Variants in WDR64 observed in about 807,000 individuals in gnomAD.
WDR64 encodes the protein WD repeat domain 64, also known as WD repeat-containing protein 64.
WDR64 carries 112 observed loss-of-function variants against 139.3 expected under a neutral mutation model. That is an observed-to-expected ratio of 0.80 (90% confidence interval 0.69 to 0.94). The LOEUF (loss-of-function observed/expected upper bound fraction) is 0.94, where lower values mean the gene tolerates loss of function less well. Among genes scored for constraint, WDR64 ranks in the 40% least tolerant of loss-of-function variants. WDR64 has a pLI of 0.00. For missense variants in WDR64, 1,206 were observed against 1,293.1 expected (o/e 0.93, Z 1.03); for synonymous variants, 444 against 437.7 (o/e 1.01, Z -0.18).
chr1:241,762,213 T>C (rs1174886468), intron 15 of WDR64, among the ~76,000 whole-genome samples: 1 of 152,216 alleles, frequency 6.6e-6, no homozygotes, highest in Non-Finnish European at 1.5e-5. Context: ...AGGAATACTG[T>C]ATTCACCGGC....
chr1:241,751,478 AC>A (rs1669980597), intron 14 of WDR64, among the ~76,000 whole-genome samples: 1 of 152,180 alleles, frequency 6.6e-6, no homozygotes, highest in Admixed American at 6.5e-5. Flanking sequence ...AAACAAAAAA[AC>A]AAACACCCCC....
intron 10 of WDR64, among the ~76,000 whole-genome samples, chr1:241,730,011 T>C (rs1237440051): frequency 6.6e-6 from 1 of 152,216 alleles, no homozygotes; most frequent in African/African-American, 2.4e-5. Flanking sequence ...TTTCAAAACT[T>C]TCCTGAGTGA....
At chr1:241,695,990 TGTG>T (rs1387793756) in intron 8 of WDR64, among the ~76,000 whole-genome samples, 1 of 151,486 alleles carries the variant, frequency 6.6e-6, no homozygotes, top group Non-Finnish European at 1.5e-5. Flanking sequence ...GGCATGCGCC[TGTG>T]GTCCCAGCTA....
intron 10 of WDR64, among the ~76,000 whole-genome samples, chr1:241,732,341 C>T (rs6683725): frequency 0.25 from 38,310 of 152,036 alleles, 5,101 homozygotes; most frequent in South Asian, 0.33. Context: ...TCTATCTACT[C>T]TCCTGGCAAG....
intron 15 of WDR64, 32 bp from the exon 16 acceptor site, chr1:241,766,186 A>G: frequency 6.2e-7 from 1 of 1,609,928 alleles, no homozygotes; most frequent in Non-Finnish European, 8.5e-7. Context: ...TGAATACTAT[A>G]TTTATGGTGT....
intron 14 of WDR64, among the ~76,000 whole-genome samples, chr1:241,755,753 G>T (rs1032164185): frequency 6.6e-6 from 1 of 152,102 alleles, no homozygotes; most frequent in Non-Finnish European, 1.5e-5. Flanking sequence ...GTAAGGAAGG[G>T]GTCCAGTTTC....
At chr1:241,702,449 T>G (rs1667756012) in intron 8 of WDR64, among the ~76,000 whole-genome samples, 1 of 151,790 alleles carries the variant, frequency 6.6e-6, no homozygotes, top group Non-Finnish European at 1.5e-5. Flanking sequence ...GTTTAATGCC[T>G]GACACAAAGT....
Position 241,746,272 on chromosome 1 carries a change from A to G in WDR64, c.1594+1756A>G, listed in dbSNP as rs200878202. On this transcript the variant is annotated intron_variant, in intron 13 of 27. Transcript: ENST00000437684. ...AGGGATAAGAAATGGGGTAGGGTTA[A>G]AGGAGGAGAGGAAAAGACCTGTGGT... Among the ~76,000 whole-genome samples, 10 of 152,214 alleles carry G rather than the reference A, an allele frequency of 6.6e-5. No homozygotes were observed. In the East Asian group the frequency reaches 1.7e-3, roughly 27 times the overall value.
At chr1:241,756,305 T>G (rs1331465148) in intron 14 of WDR64, among the ~76,000 whole-genome samples, 1 of 152,208 alleles carries the variant, frequency 6.6e-6, no homozygotes, top group Non-Finnish European at 1.5e-5. Context: ...TCCTACATAT[T>G]TTATTCTCTT....
intron 12 of WDR64, 98 bp downstream of exon 12, chr1:241,741,762 G>A (rs1294717982): frequency 4.8e-6 from 6 of 1,246,674 alleles, no homozygotes; most frequent in Middle Eastern, 2.5e-4. Context: ...AAATGTAGCG[G>A]CACATACGAT....
Position 241,702,598 on chromosome 1 carries a change from A to G in WDR64, c.975-9204A>G, listed in dbSNP as rs547895059. 2.0e-4 allele frequency among the ~76,000 whole-genome samples: 30 copies of G among 152,268 alleles called. No homozygotes were observed. The South Asian group carries it at 5.8e-3, about 29-fold the overall frequency. ...CATAGATTAGTTTGTGCACTGGTTT[A>G]AGCTTCCTGTTCCTGCATCTAGAGC... On this transcript the variant is annotated intron_variant, in intron 8 of 27. Transcript: ENST00000437684.
Position 241,795,282 on chromosome 1 carries a change from T to C in WDR64, c.3073T>C (p.Tyr1025His). Residue 1025 changes from tyrosine to histidine, a missense_variant, in exon 26 of 28, where the codon TAC becomes CAC. Coordinates refer to ENST00000437684, the MANE Select transcript of WDR64 (RefSeq NM_001367482.1). ...AGIVFGSLPI[Y>H]SISSPTSLRF... Reference sequence around the variant, plus strand: ...GATTGTTTTCGGCTCTCTGCCTATATACAGTGTGAGTTGGAGTTTCTAGGA... The same window carrying C: ...GATTGTTTTCGGCTCTCTGCCTATACACAGTGTGAGTTGGAGTTTCTAGGA... 1 of 1,612,900 alleles carries C rather than the reference T, an allele frequency of 6.2e-7. No homozygotes were observed. The highest frequency in any genetic ancestry group is 2.2e-5 in the East Asian group (1 of 44,744).
intron 14 of WDR64, among the ~76,000 whole-genome samples, chr1:241,750,417 A>G (rs964611272): frequency 1.3e-5 from 2 of 152,220 alleles, no homozygotes; most frequent in Non-Finnish European, 2.9e-5. Context: ...GCACCAGCTT[A>G]AGATAACTGA....
At chr1:241,735,855 C>CTG (rs59974714) in intron 10 of WDR64, among the ~76,000 whole-genome samples, 4,667 of 71,484 alleles carry the variant, frequency 0.065, 130 homozygotes, top group Middle Eastern at 0.11. Context: ...CTCTCTCTCT[C>CTG]TGTGTGTGTG....
At chr1:241,705,673 G>A (rs72768079) in intron 8 of WDR64, among the ~76,000 whole-genome samples, 27 of 151,932 alleles carry the variant, frequency 1.8e-4, no homozygotes, top group Non-Finnish European at 2.9e-4. Context: ...TTGCACCTTC[G>A]AGTTCCTGGG....
chr1:241,762,991 G>T (rs936229569), intron 15 of WDR64, among the ~76,000 whole-genome samples: 3 of 152,082 alleles, frequency 2.0e-5, no homozygotes, highest in Non-Finnish European at 2.9e-5. Flanking sequence ...CAGTGACTAT[G>T]TCATAATAAC....
chr1:241,751,904 T>A (rs963746253), intron 14 of WDR64, among the ~76,000 whole-genome samples: 1 of 152,174 alleles, frequency 6.6e-6, no homozygotes, highest in Admixed American at 6.5e-5. Flanking sequence ...TATGAAACCT[T>A]TGGCAAATTT....
intron 8 of WDR64, among the ~76,000 whole-genome samples, chr1:241,692,028 T>TAAAAAAAAAAAAAAAAAA (rs77284427): frequency 8.8e-6 from 1 of 113,738 alleles, no homozygotes. Flanking sequence ...AATAAAAAAA[T>TAAAAAAAAAAAAAAAAAA]AAAAAAAAAA....
intron 8 of WDR64, among the ~76,000 whole-genome samples, chr1:241,695,144 T>C (rs1174202130): frequency 3.3e-5 from 5 of 152,212 alleles, no homozygotes; most frequent in African/African-American, 4.8e-5. Context: ...ACTGACATCA[T>C]TCAAAATTGA....
Sources: allele counts gnomAD v4.1 joint callset (sites outside exome capture counted in the v4.1 genomes callset), GRCh38; gene constraint gnomAD v4.1.1; transcripts MANE v1.5; gene names NCBI Gene and HGNC (gene_info 2026-07-23, HGNC 2026-07-21).